LSAMP: variants seen among roughly 807,000 people sequenced by gnomAD.
The protein encoded by LSAMP is limbic system associated membrane protein.
In LSAMP, 7 loss-of-function variants were observed where a neutral mutation model predicts 38.6. That is an observed-to-expected ratio of 0.18 (90% CI 0.10 to 0.34). The LOEUF (loss-of-function observed/expected upper bound fraction) is 0.34. Ranked by LOEUF, LSAMP falls within the 10% of genes least tolerant of loss-of-function variation. The pLI, the probability that LSAMP is intolerant of heterozygous loss-of-function variation, is 1.00. For missense variants in LSAMP, 313 were observed against 420.0 expected (o/e 0.75, Z 2.23); for synonymous variants, 154 against 166.8 (o/e 0.92, Z 0.59).
intron 2 of LSAMP, among the ~76,000 whole-genome samples, chr3:116,033,998 A>T (rs1258336983): frequency 6.6e-6 from 1 of 152,084 alleles, no homozygotes; most frequent in Non-Finnish European, 1.5e-5. Flanking sequence ...ATCTATAGAG[A>T]CTACATTTGA....
intron 1 of LSAMP, among the ~76,000 whole-genome samples, chr3:116,267,918 A>C (rs2046913656): frequency 6.6e-6 from 1 of 152,104 alleles, no homozygotes; most frequent in Non-Finnish European, 1.5e-5. Flanking sequence ...AGAGAGTCTC[A>C]AGGGAGGAAT....
chr3:116,087,735 C>T (rs887426176), intron 1 of LSAMP, among the ~76,000 whole-genome samples: 3 of 152,164 alleles, frequency 2.0e-5, no homozygotes, highest in African/African-American at 7.2e-5. Context: ...AAAATTGATG[C>T]ATAACCCATA....
intron 2 of LSAMP, among the ~76,000 whole-genome samples, chr3:116,081,791 G>A (rs1248472680): frequency 6.6e-6 from 1 of 152,078 alleles, no homozygotes; most frequent in Non-Finnish European, 1.5e-5. Context: ...TATTTAGTAC[G>A]ATAGTGAAAT....
chr3:116,222,658 C>T (rs997675646), intron 1 of LSAMP, among the ~76,000 whole-genome samples: 2 of 143,832 alleles, frequency 1.4e-5, no homozygotes, highest in African/African-American at 2.6e-5. Flanking sequence ...AGTGGGCTCT[C>T]TGAAGGAAAT....
At chr3:115,852,457 C>T (rs1213962784) in intron 4 of LSAMP, 26 bp downstream of exon 4, 2 of 1,591,262 alleles carry the variant, frequency 1.3e-6, no homozygotes, top group East Asian at 2.3e-5. Context: ...GGGCACCTAG[C>T]ACCTGCTGGC....
At chr3:116,229,049 G>T (rs2046371445) in intron 1 of LSAMP, among the ~76,000 whole-genome samples, 1 of 152,064 alleles carries the variant, frequency 6.6e-6, no homozygotes, top group Non-Finnish European at 1.5e-5. Flanking sequence ...AACAAAGTCA[G>T]CAATTAATTT....
chr3:116,195,767 T>G (rs1710869483), intron 1 of LSAMP, among the ~76,000 whole-genome samples: 1 of 152,102 alleles, frequency 6.6e-6, no homozygotes, highest in Non-Finnish European at 1.5e-5. Flanking sequence ...AGCAGTGTTT[T>G]GCAAAGATTT....
chr3:116,349,907 A>G (rs2048114470), intron 1 of LSAMP, among the ~76,000 whole-genome samples: 1 of 152,064 alleles, frequency 6.6e-6, no homozygotes, highest in Non-Finnish European at 1.5e-5. Context: ...TTTTCTGAAC[A>G]TGTGCATATG....
intron 2 of LSAMP, among the ~76,000 whole-genome samples, chr3:116,073,129 A>C (rs550861123): frequency 4.6e-5 from 7 of 152,320 alleles, no homozygotes; most frequent in African/African-American, 1.4e-4. Flanking sequence ...GCATATGGCT[A>C]ACCAGTTCTC....
At chr3:116,164,401 G>C (rs1237984186) in intron 1 of LSAMP, among the ~76,000 whole-genome samples, 1 of 150,784 alleles carries the variant, frequency 6.6e-6, no homozygotes, top group Non-Finnish European at 1.5e-5. Flanking sequence ...AAAAGCAGAG[G>C]TTTCTATTAG....
intron 1 of LSAMP, among the ~76,000 whole-genome samples, chr3:116,376,882 ACT>A (rs1391162295): frequency 6.6e-6 from 1 of 152,000 alleles, no homozygotes; most frequent in Non-Finnish European, 1.5e-5. Context: ...CCAACTCGTA[ACT>A]CTGTATTTTA....
chr3:115,979,343 T>C (rs1293427346), intron 3 of LSAMP, among the ~76,000 whole-genome samples: 1 of 152,148 alleles, frequency 6.6e-6, no homozygotes, highest in Admixed American at 6.6e-5. Context: ...CTAAGGGCTC[T>C]AGTTTATATG....
intron 1 of LSAMP, among the ~76,000 whole-genome samples, chr3:116,273,153 A>G (rs1277362626): frequency 2.6e-5 from 4 of 152,042 alleles, no homozygotes; most frequent in Non-Finnish European, 5.9e-5. Flanking sequence ...TTCATGTGTG[A>G]CCTACTACAC....
At chr3:115,921,115 G>C (rs1299805607) in intron 3 of LSAMP, among the ~76,000 whole-genome samples, 1 of 151,792 alleles carries the variant, frequency 6.6e-6, no homozygotes, top group Non-Finnish European at 1.5e-5. Flanking sequence ...ATGTTTTGTT[G>C]ATAGCATATA....
At chr3:116,098,288 CA>C (rs1403903213) in intron 1 of LSAMP, among the ~76,000 whole-genome samples, 1 of 151,984 alleles carries the variant, frequency 6.6e-6, no homozygotes, top group Non-Finnish European at 1.5e-5. Context: ...CACCTGAGAT[CA>C]GGAGTTCAAG....
chr3:115,865,999 G>A (rs1418406407), intron 3 of LSAMP, among the ~76,000 whole-genome samples: 1 of 152,098 alleles, frequency 6.6e-6, no homozygotes, highest in Non-Finnish European at 1.5e-5. Flanking sequence ...AGCACTTCGT[G>A]TCACATGGAT....
chr3:116,366,013 T>TAAAAAA (rs67452614), intron 1 of LSAMP, among the ~76,000 whole-genome samples: 424 of 28,666 alleles, frequency 0.015, 81 homozygotes, highest in Middle Eastern at 0.091. Context: ...TAGAGTATAA[T>TAAAAAA]AAAAAAAAAA....
chr3:116,009,153 A>T (rs1940252574), intron 3 of LSAMP, among the ~76,000 whole-genome samples: 1 of 152,236 alleles, frequency 6.6e-6, no homozygotes, highest in South Asian at 2.1e-4. Flanking sequence ...TACTACACAC[A>T]TTGTGGGACT....
intron 1 of LSAMP, among the ~76,000 whole-genome samples, chr3:116,354,221 T>TA (rs1207105902): frequency 6.6e-6 from 1 of 152,302 alleles, no homozygotes; most frequent in East Asian, 1.9e-4. Context: ...GTTCCAGCCA[T>TA]ATACCCTCGG....
Sources: gnomAD v4.1 joint callset for allele counts (sites outside exome capture counted in the v4.1 genomes callset) on GRCh38, gnomAD v4.1.1 for gene constraint, MANE v1.5 for transcripts, NCBI Gene and HGNC (gene_info 2026-07-23, HGNC 2026-07-21) for gene names.